Variants in LDB2 observed in about 807,000 individuals in gnomAD.
LDB2 encodes LIM domain-binding protein 2.
Under a neutral mutation model 44.3 loss-of-function variants are expected in LDB2, and 12 were observed. The ratio of observed to expected loss-of-function variants is 0.27; its 90% confidence interval spans 0.17 to 0.44. The LOEUF (loss-of-function observed/expected upper bound fraction) is 0.44, where lower values mean the gene tolerates loss of function less well. Among genes scored for constraint, LDB2 ranks in the 20% least tolerant of loss-of-function variants. LDB2 has a pLI of 1.00. For synonymous variants in LDB2, 164 were observed against 174.8 expected (o/e 0.94, Z 0.49); for missense variants, 344 against 473.5 (o/e 0.73, Z 2.54).
At chr4:16,698,147 A>T (rs1404425599) in intron 2 of LDB2, among the ~76,000 whole-genome samples, 1 of 152,114 alleles carries the variant, frequency 6.6e-6, no homozygotes, top group East Asian at 1.9e-4. Flanking sequence ...TGCCTTGTAC[A>T]GTTTATTTTT....
chr4:16,709,670 C>T (rs183442061), intron 2 of LDB2, among the ~76,000 whole-genome samples: 23 of 152,182 alleles, frequency 1.5e-4, no homozygotes, highest in East Asian at 1.2e-3. Flanking sequence ...TTTTTGCCAA[C>T]GTAAAACATT....
At chr4:16,503,728 A>G (rs1718228401) in intron 7 of LDB2, among the ~76,000 whole-genome samples, 1 of 152,236 alleles carries the variant, frequency 6.6e-6, no homozygotes, top group South Asian at 2.1e-4. Context: ...TTATAATTAC[A>G]TTGATGAAGC....
chr4:16,721,700 T>G (rs1758323306), intron 2 of LDB2, among the ~76,000 whole-genome samples: 1 of 152,168 alleles, frequency 6.6e-6, no homozygotes, highest in Non-Finnish European at 1.5e-5. Flanking sequence ...AAACTCACAC[T>G]GATCTGATCC....
intron 1 of LDB2, among the ~76,000 whole-genome samples, chr4:16,797,391 C>A (rs1776938315): frequency 6.6e-6 from 1 of 152,124 alleles, no homozygotes; most frequent in African/African-American, 2.4e-5. Context: ...ATCTTGACAG[C>A]TGGGGAAAAT....
At chr4:16,507,417 G>A (rs1719926654) in intron 7 of LDB2, among the ~76,000 whole-genome samples, 1 of 152,106 alleles carries the variant, frequency 6.6e-6, no homozygotes, top group Non-Finnish European at 1.5e-5. Context: ...GGTGGGGGCA[G>A]ATGTGAAAGA....
At position 16,605,177 on chromosome 4, in the gene LDB2, C is replaced by G. The variant is rs180895907; in HGVS notation, c.236-9302G>C. Among the ~76,000 whole-genome samples, 477 of 152,142 alleles carry G rather than the reference C, an allele frequency of 3.1e-3. 1 individual carries two copies. The highest frequency in any genetic ancestry group is 0.014 in the Middle Eastern group (4 of 294). On this transcript the variant is annotated intron_variant, in intron 2 of 7. Coordinates refer to ENST00000304523, the MANE Select transcript of LDB2 (RefSeq NM_001290.5). ...TCCCGGTTATGGTAATACTGATTAG[C>G]TCTTGATTAGTGATCATGAATGGCA...
At chr4:16,712,593 C>A (rs1410850896) in intron 2 of LDB2, among the ~76,000 whole-genome samples, 1 of 151,798 alleles carries the variant, frequency 6.6e-6, no homozygotes, top group Non-Finnish European at 1.5e-5. Flanking sequence ...CTACAAACGG[C>A]CAAAAAGCAC....
At chr4:16,829,834 C>T (rs999807068) in intron 1 of LDB2, among the ~76,000 whole-genome samples, 3 of 152,108 alleles carry the variant, frequency 2.0e-5, no homozygotes, top group Non-Finnish European at 4.4e-5. Context: ...AGGCCGGGTG[C>T]GGTGGCTCAC....
chr4:16,867,723 G>A (rs189384200), intron 1 of LDB2, among the ~76,000 whole-genome samples: 179 of 152,268 alleles, frequency 1.2e-3, no homozygotes, highest in Middle Eastern at 6.8e-3. Context: ...TTTCAAGGTG[G>A]TAGTTGGGAG....
chr4:16,589,066 A>G (rs988368791), intron 3 of LDB2, among the ~76,000 whole-genome samples: 3 of 152,208 alleles, frequency 2.0e-5, no homozygotes, highest in African/African-American at 7.2e-5. Context: ...TAGTAATTCT[A>G]CTAGTTACTA....
At chr4:16,645,829 T>A (rs1312903068) in intron 2 of LDB2, among the ~76,000 whole-genome samples, 2 of 152,142 alleles carry the variant, frequency 1.3e-5, no homozygotes. Context: ...TAAGTCTCAA[T>A]GTTTTTGGTT....
At chr4:16,860,405 G>A (rs1363650660) in intron 1 of LDB2, among the ~76,000 whole-genome samples, 1 of 152,140 alleles carries the variant, frequency 6.6e-6, no homozygotes, top group African/African-American at 2.4e-5. Flanking sequence ...TATCAGAGCA[G>A]ATGTGCAATC....
chr4:16,601,131 G>A (rs1352293074), intron 2 of LDB2, among the ~76,000 whole-genome samples: 1 of 152,108 alleles, frequency 6.6e-6, no homozygotes, highest in Non-Finnish European at 1.5e-5. Flanking sequence ...AACCTGGTGA[G>A]GCTGTGGTAA....
intron 2 of LDB2, among the ~76,000 whole-genome samples, chr4:16,679,851 G>T (rs1037715193): frequency 9.2e-5 from 14 of 152,322 alleles, no homozygotes; most frequent in African/African-American, 3.4e-4. Context: ...CAGGGAGACT[G>T]GATGTAGCTC....
intron 1 of LDB2, among the ~76,000 whole-genome samples, chr4:16,802,160 T>G (rs1442953149): frequency 1.3e-5 from 2 of 152,152 alleles, no homozygotes; most frequent in African/African-American, 4.8e-5. Context: ...ATCTCCACAG[T>G]GAGTGGACGC....
chr4:16,687,311 G>A (rs1159498056), intron 2 of LDB2, among the ~76,000 whole-genome samples: 52 of 152,090 alleles, frequency 3.4e-4, no homozygotes. Flanking sequence ...TGGGATTAGT[G>A]CCCTTATAAA....
At chr4:16,560,767 A>AAG (rs1157792822) in intron 5 of LDB2, among the ~76,000 whole-genome samples, 1 of 152,188 alleles carries the variant, frequency 6.6e-6, no homozygotes, top group Non-Finnish European at 1.5e-5. Context: ...ACAACCAAAA[A>AAG]AGAGAATTTT....
intron 5 of LDB2, among the ~76,000 whole-genome samples, chr4:16,540,130 G>A (rs1294265799): frequency 6.6e-6 from 1 of 152,066 alleles, no homozygotes; most frequent in African/African-American, 2.4e-5. Flanking sequence ...CTCACTCACT[G>A]CCAGGAGAAC....
At chr4:16,857,814 T>G (rs1201638840) in intron 1 of LDB2, among the ~76,000 whole-genome samples, 1 of 152,164 alleles carries the variant, frequency 6.6e-6, no homozygotes, top group East Asian at 1.9e-4. Flanking sequence ...CCGACCCAAC[T>G]TCTTTACTCT....
Sources: allele counts gnomAD v4.1 joint callset (sites outside exome capture counted in the v4.1 genomes callset), GRCh38; gene constraint gnomAD v4.1.1; transcripts MANE v1.5; gene names NCBI Gene and HGNC (gene_info 2026-07-23, HGNC 2026-07-21).